NUP160: variants seen among roughly 807,000 people sequenced by gnomAD.
NUP160 encodes nuclear pore complex protein Nup160.
Under a neutral mutation model 196.9 loss-of-function variants are expected in NUP160, and 94 were observed. The ratio of observed to expected loss-of-function variants is 0.48; its 90% CI spans 0.40 to 0.57. The LOEUF is 0.57. Among genes scored for constraint, NUP160 ranks in the 20% least tolerant of loss-of-function variants. NUP160 has a pLI of 0.00. For missense variants in NUP160, 1,638 were observed against 1,748.3 expected, an observed-to-expected ratio of 0.94 and a Z score of 1.13; for synonymous variants, 605 against 619.7, an observed-to-expected ratio of 0.98 and a Z score of 0.35.
chr11:47,813,664 T>TA (rs1233490191), intron 13 of NUP160, among the ~76,000 whole-genome samples: 574 of 142,278 alleles, frequency 4.0e-3, no homozygotes, highest in Middle Eastern at 7.4e-3. Context: ...ACCCCATCTC[T>TA]AAAAAAAAAA....
chr11:47,780,297 T>C (rs755440831), intron 35 of NUP160, 46 bp downstream of exon 35: 7 of 1,237,672 alleles, frequency 5.7e-6, no homozygotes, highest in Admixed American at 1.7e-5. Context: ...GTGTAACTGC[T>C]AGTGCAGGGG....
At chr11:47,848,466 A>T (rs1231378476) in exon 1 of NUP160, 63 of 1,426,604 alleles carry the variant, frequency 4.4e-5, no homozygotes, top group Non-Finnish European at 5.7e-5. Context: ...CGAGGCTTCC[A>T]CCGGGAGAAT....
intron 6 of NUP160, 88 bp from the exon 7 acceptor site, chr11:47,835,897 A>G: frequency 9.5e-7 from 1 of 1,054,146 alleles, no homozygotes; most frequent in Non-Finnish European, 1.4e-6. Context: ...CTTTCATTGT[A>G]TCTACTGCTC....
intron 5 of NUP160, among the ~76,000 whole-genome samples, chr11:47,837,341 C>T (rs990028425): frequency 6.6e-6 from 1 of 152,036 alleles, no homozygotes; most frequent in African/African-American, 2.4e-5. Flanking sequence ...ATAAACAGGC[C>T]GATTTATGCT....
intron 15 of NUP160, 59 bp downstream of exon 15, chr11:47,812,823 T>G: frequency 6.9e-7 from 1 of 1,454,130 alleles, no homozygotes; most frequent in Non-Finnish European, 9.4e-7. Flanking sequence ...AATTCCAACT[T>G]TGGCGCTAAA....
intron 4 of NUP160, among the ~76,000 whole-genome samples, chr11:47,838,634 G>GC (rs1368797883): frequency 2.6e-5 from 4 of 151,908 alleles, no homozygotes; most frequent in East Asian, 1.9e-4. Context: ...CTTGAACCTG[G>GC]GGGGGGCGGA....
intron 12 of NUP160, 60 bp from the exon 13 acceptor site, chr11:47,815,709 A>G: frequency 7.2e-7 from 1 of 1,396,962 alleles, no homozygotes; most frequent in South Asian, 1.4e-5. Flanking sequence ...CTTTGTCCAC[A>G]AAAAACATAA....
At chr11:47,812,512 T>A in intron 15 of NUP160, 83 bp from the exon 16 acceptor site, 1 of 1,319,140 alleles carries the variant, frequency 7.6e-7, no homozygotes. Context: ...AAATACATTA[T>A]GAAACAAGAG....
At chr11:47,812,477 G>C in intron 15 of NUP160, 48 bp from the exon 16 acceptor site, 2 of 1,569,100 alleles carry the variant, frequency 1.3e-6, no homozygotes, top group Non-Finnish European at 1.7e-6. Flanking sequence ...AATACGTAAG[G>C]CAAGTTCTAT....
At chr11:47,785,590 CA>C (rs2097664073) in intron 32 of NUP160, among the ~76,000 whole-genome samples, 3 of 152,280 alleles carry the variant, frequency 2.0e-5, no homozygotes, top group South Asian at 4.1e-4. Flanking sequence ...ATTTAGTAAA[CA>C]AACATATTTA....
intron 23 of NUP160, among the ~76,000 whole-genome samples, chr11:47,798,752 C>T (rs1015090343): frequency 2.0e-5 from 3 of 151,930 alleles, no homozygotes; most frequent in Admixed American, 2.0e-4. Context: ...ACTGCTTGAA[C>T]CCAGGAGTTC....
rs1462995024 is a variant in NUP160, at chr11:47,794,670, G to C, written c.3290-1724C>G. ...GCCTGTAATCCCAGCACTTTGGGAA[G>C]CTGAGGCGGGTGGATCATTTTGAGG... On this transcript the variant is annotated intron_variant, in intron 27 of 35. Coordinates refer to ENST00000378460, the Ensembl canonical transcript of NUP160. Among the ~76,000 whole-genome samples, 7 of 152,284 alleles carry C rather than the reference G, an allele frequency of 4.6e-5. No individual in the cohort carries two copies. The South Asian group carries it at 1.2e-3, about 27-fold the overall frequency.
intron 32 of NUP160, 77 bp downstream of exon 32, chr11:47,786,376 G>C (rs2097664527): frequency 1.1e-6 from 1 of 882,498 alleles, no homozygotes; most frequent in Non-Finnish European, 1.9e-6. Flanking sequence ...GATCTATGTA[G>C]GACAATTTAG....
intron 1 of NUP160, 104 bp downstream of exon 1, chr11:47,848,115 C>A (rs578258031): frequency 8.7e-6 from 12 of 1,376,262 alleles, no homozygotes; most frequent in Non-Finnish European, 1.0e-5. Context: ...GGGCTAGAGG[C>A]ATGTGGACTC....
At chr11:47,832,965 G>A (rs941905990) in intron 7 of NUP160, among the ~76,000 whole-genome samples, 1 of 152,184 alleles carries the variant, frequency 6.6e-6, no homozygotes, top group African/African-American at 2.4e-5. Flanking sequence ...AAATAGATTA[G>A]CAGTTGTGTA....
chr11:47,813,040 G>A lies in NUP160; in HGVS notation c.1794C>T (p.Asp598=), dbSNP rs7110289. ...TAAGACATATGACATCCCGAGCGATGTCCACATCTACAAATAAGAGAAAGT... is the reference window on the plus strand; with the variant it reads ...TAAGACATATGACATCCCGAGCGATATCCACATCTACAAATAAGAGAAAGT... The change falls in exon 15 of 36, where the codon GAC becomes GAT. Residue 598 remains aspartate (D), a synonymous_variant. Transcript: ENST00000378460. 1,601,670 of 1,603,090 alleles carry A rather than the reference G, an allele frequency of 1. 800,137 individuals are homozygous for A. The highest frequency in any genetic ancestry group is 1 in the East Asian group (44,832 of 44,832).
chr11:47,783,027 C>T (rs545018817), intron 34 of NUP160, 46 bp downstream of exon 34: 1 of 1,530,830 alleles, frequency 6.5e-7, no homozygotes, highest in South Asian at 1.1e-5. Context: ...GTTGAAAAAT[C>T]GTAAGTCAAA....
At chr11:47,780,580 C>T (rs961125511) in intron 34 of NUP160, 133 bp from the exon 35 acceptor site, 85 of 505,298 alleles carry the variant, frequency 1.7e-4, no homozygotes, top group African/African-American at 1.7e-3. Flanking sequence ...TTCTGTCGCC[C>T]AGGCTGAGTG....
At chr11:47,829,799 A>T (rs1234980863) in intron 7 of NUP160, among the ~76,000 whole-genome samples, 1 of 152,222 alleles carries the variant, frequency 6.6e-6, no homozygotes, top group Non-Finnish European at 1.5e-5. Context: ...CATCCTGAAC[A>T]TACGAACGGG....
Sources: gnomAD v4.1 joint callset for allele counts (sites outside exome capture counted in the v4.1 genomes callset) on GRCh38, gnomAD v4.1.1 for gene constraint, MANE v1.5 for transcripts, NCBI Gene and HGNC (gene_info 2026-07-23, HGNC 2026-07-21) for gene names.